Variants in FAM120C observed in about 807,000 individuals in gnomAD.
FAM120C encodes the protein family with sequence similarity 120 member C, also known as constitutive coactivator of PPAR-gamma-like protein 2.
FAM120C carries 14 observed loss-of-function variants against 71.2 expected under a neutral mutation model. The observed-to-expected ratio is 0.20, with a 90% CI of 0.13 to 0.31. FAM120C has a LOEUF of 0.31. FAM120C is among the 10% of genes least tolerant of loss of function. The probability of loss-of-function intolerance (pLI) is 1.00; values close to 1 mark genes in which losing one functional copy is unlikely to be tolerated. For synonymous variants in FAM120C, 354 were observed against 353.2 expected (o/e 1.00, Z -0.03); for missense variants, 500 against 879.0 (o/e 0.57, Z 5.45).
At chrX:54,157,946 T>C in intron 2 of FAM120C, among the ~76,000 whole-genome samples, 175 bp from the exon 3 acceptor site, 1 of 112,378 alleles carries the variant, frequency 8.9e-6, no homozygotes, top group Non-Finnish European at 1.9e-5. Context: ...GTGCATTATA[T>C]GTATCATCTT....
chrX:54,114,429 T>C (rs2066956156), intron 10 of FAM120C, among the ~76,000 whole-genome samples: 1 of 110,068 alleles, frequency 9.1e-6, no homozygotes, highest in Admixed American at 9.8e-5. Flanking sequence ...TTTTTTTTTG[T>C]TTTTGTTTTT....
chrX:54,105,816 A>C (rs1367853116), intron 10 of FAM120C, among the ~76,000 whole-genome samples: 1 of 111,826 alleles, frequency 8.9e-6, no homozygotes, highest in Non-Finnish European at 1.9e-5. Context: ...CAACTGCTAC[A>C]AAGAGAATAA....
chrX:54,083,760 T>A (rs782780278), intron 13 of FAM120C, among the ~76,000 whole-genome samples: 4 of 111,308 alleles, frequency 3.6e-5, no homozygotes, highest in Admixed American at 2.9e-4. Flanking sequence ...CCATGTCTCC[T>A]AGGCTGGAGT....
intron 4 of FAM120C, among the ~76,000 whole-genome samples, chrX:54,140,876 G>T (rs375779907): frequency 1.1e-4 from 12 of 105,459 alleles, no homozygotes; most frequent in African/African-American, 3.8e-4. Context: ...AGAGATAGGG[G>T]TTGCAGTGAG....
Position 54,073,108 on chromosome X carries a change from G to C in FAM120C, c.3216C>G (p.Leu1072=). 8.3e-7 allele frequency: 1 copy of C among 1,211,103 alleles called. No individual in the cohort carries two copies. Among genetic ancestry groups the C allele is most frequent in the Non-Finnish European group, 1.1e-6 (1 of 895,144 alleles). Residue 1072 remains leucine, a synonymous_variant, in exon 16 of 16, where the codon CTC becomes CTG. Coordinates refer to ENST00000375180, the MANE Select transcript of FAM120C (RefSeq NM_017848.6). ...SNECNNGNRY[L]PMNNREKNHL... is the part of the protein sequence containing the mutation. ...GGTTCTTCTCCCTATTATTCATAGGGAGGTAGCGGTTACCATTATTACACT... is the reference window on the plus strand; with the variant it reads ...GGTTCTTCTCCCTATTATTCATAGGCAGGTAGCGGTTACCATTATTACACT...
chrX:54,156,315 C>CTTTTTTTTTTTTTTTTTTTTTTTT (rs35737980), intron 3 of FAM120C, among the ~76,000 whole-genome samples: 1 of 28,404 alleles, frequency 3.5e-5, no homozygotes. Flanking sequence ...TCACAACAGT[C>CTTTTTTTTTTTTTTTTTTTTTTTT]TTTTTTTTTT....
intron 1 of FAM120C, among the ~76,000 whole-genome samples, chrX:54,177,732 C>T (rs1282580646): frequency 2.7e-5 from 3 of 111,276 alleles, no homozygotes; most frequent in Non-Finnish European, 5.7e-5. Context: ...TACTTAAAGC[C>T]ACAATAATGG....
chrX:54,116,865 C>T lies in FAM120C; in HGVS notation c.2063-71G>A, dbSNP rs2066970518. The T allele has an allele frequency of 1.1e-5, 12 of 1,089,757 alleles. No individual in the cohort carries two copies. In the South Asian group the frequency reaches 2.3e-4, roughly 21 times the overall value. 89.8% of individuals were successfully genotyped at this position (1,089,757 alleles called of 1,213,427 possible). A position where few individuals can be genotyped will look rare whatever the true frequency, so the allele number is the denominator to read the frequency against. The stretch of plus-strand genomic sequence containing the variant: ...AGCATTTCTACGGCTAGCCACAGGA[C>T]ATTGACAGGCTCCATTGCATTTCAA... On this transcript the variant is annotated intron_variant, in intron 9 of 15. Coordinates refer to ENST00000375180, the MANE Select transcript of FAM120C (RefSeq NM_017848.6).
Position 54,071,327 on chromosome X carries a change from T to C in FAM120C, c.*1706A>G, listed in dbSNP as rs1404744608. 8.8e-6 allele frequency: 1 copy of C among 113,044 alleles called. No homozygotes were observed. Among genetic ancestry groups the C allele is most frequent in the Non-Finnish European group, 1.9e-5 (1 of 53,382 alleles). The allele number at this position is 113,044 out of a possible 1,213,427, so 9.3% of individuals were successfully genotyped here. A position where few individuals can be genotyped will look rare whatever the true frequency, so the allele number is the denominator to read the frequency against. On this transcript the variant is annotated 3_prime_UTR_variant, in exon 16 of 16. Coordinates refer to ENST00000375180, the MANE Select transcript of FAM120C (RefSeq NM_017848.6). Reference sequence around the variant, plus strand: ...ACACAGGAGGCTGAGAATCTTTTAATAGAATTCTTCTCAAGGCCCAGGCCA... The same window carrying C: ...ACACAGGAGGCTGAGAATCTTTTAACAGAATTCTTCTCAAGGCCCAGGCCA...
At chrX:54,133,082 T>A (rs1557129704) in intron 8 of FAM120C, among the ~76,000 whole-genome samples, 14 of 112,516 alleles carry the variant, frequency 1.2e-4, no homozygotes, top group Non-Finnish European at 2.2e-4. Context: ...CTGGGCATGG[T>A]GGCTCATGCC....
chrX:54,134,137 T>C, intron 7 of FAM120C, 91 bp from the exon 8 acceptor site: 1 of 933,212 alleles, frequency 1.1e-6, no homozygotes, highest in Non-Finnish European at 1.5e-6. Flanking sequence ...CCAAGGGGTC[T>C]CACAAACCCT....
chrX:54,086,889 A>G (rs2066797523), intron 12 of FAM120C, among the ~76,000 whole-genome samples: 1 of 110,936 alleles, frequency 9.0e-6, no homozygotes, highest in Admixed American at 9.7e-5. Context: ...GGTTTGTAGC[A>G]CTATGGATAG....
At position 54,070,486 on chromosome X, in the gene FAM120C, A is replaced by G. The variant is rs1360572194; in HGVS notation, c.*2547T>C. The G allele has an allele frequency of 8.9e-6, 1 of 112,347 alleles. No individual in the cohort carries two copies. The highest frequency in any genetic ancestry group is 2.8e-4 in the East Asian group (1 of 3,616). The allele number at this position is 112,347 out of a possible 1,213,427, so 9.3% of individuals were successfully genotyped here. ...TGCACAGAAATAGCAACTGCAAAAA[A>G]TATCTTAGCAATTTTAAGTCCAAGT... On this transcript the variant is annotated 3_prime_UTR_variant, in exon 16 of 16. Coordinates refer to ENST00000375180, the MANE Select transcript of FAM120C (RefSeq NM_017848.6).
intron 9 of FAM120C, among the ~76,000 whole-genome samples, chrX:54,130,845 G>A (rs1165188323): frequency 2.7e-5 from 3 of 111,721 alleles, no homozygotes; most frequent in Non-Finnish European, 3.8e-5. Flanking sequence ...GCCAGAGAAA[G>A]TAGGTTTTGT....
chrX:54,151,174 C>G (rs2067182725), intron 4 of FAM120C, 71 bp downstream of exon 4: 1 of 1,136,737 alleles, frequency 8.8e-7, no homozygotes, highest in Admixed American at 2.3e-5. Flanking sequence ...CAGAAAAGAT[C>G]AGGGACCTGC....
chrX:54,140,934 C>T (rs1235906878), intron 4 of FAM120C, among the ~76,000 whole-genome samples: 23 of 95,342 alleles, frequency 2.4e-4, no homozygotes, highest in African/African-American at 8.2e-4. Flanking sequence ...AGTGAGACTC[C>T]GTCTCAAAAA....
At chrX:54,171,862 T>C (rs781944413) in intron 1 of FAM120C, 5 of 112,162 alleles carry the variant, frequency 4.5e-5, no homozygotes, top group African/African-American at 6.5e-5. Flanking sequence ...TGAATCTCCA[T>C]TGTAGCTCTT....
chrX:54,131,977 C>T (rs782650368), intron 9 of FAM120C, among the ~76,000 whole-genome samples: 1 of 108,453 alleles, frequency 9.2e-6, no homozygotes, highest in South Asian at 4.1e-4. Context: ...TGGTCTCGAT[C>T]TCCTGACCTC....
chrX:54,141,665 A>C (rs932870853), intron 4 of FAM120C, among the ~76,000 whole-genome samples: 3 of 110,380 alleles, frequency 2.7e-5, no homozygotes, highest in Non-Finnish European at 5.7e-5. Flanking sequence ...GGAAAATAAA[A>C]TAAAATGGTC....
Sources: allele counts gnomAD v4.1 joint callset (sites outside exome capture counted in the v4.1 genomes callset), GRCh38; gene constraint gnomAD v4.1.1; transcripts MANE v1.5; gene names NCBI Gene and HGNC (gene_info 2026-07-23, HGNC 2026-07-21).